PITPNM3: variants seen among roughly 807,000 people sequenced by gnomAD.
PITPNM3 encodes PITPNM family member 3, also known as membrane-associated phosphatidylinositol transfer protein 3.
In PITPNM3, 26 loss-of-function variants were observed where a neutral mutation model predicts 102.0. The observed-to-expected ratio is 0.25, with a 90% CI of 0.19 to 0.35. The LOEUF is 0.35. Among genes scored for constraint, PITPNM3 ranks in the 10% least tolerant of loss-of-function variants. The probability of loss-of-function intolerance (pLI) is 1.00; values close to 1 mark genes in which losing one functional copy is unlikely to be tolerated. For missense variants in PITPNM3, 1,083 were observed against 1,346.1 expected (o/e 0.80, Z 3.06); for synonymous variants, 578 against 558.6 (o/e 1.03, Z -0.49).
At chr17:6,534,079 G>T (rs1161971029) in intron 2 of PITPNM3, among the ~76,000 whole-genome samples, 1 of 152,218 alleles carries the variant, frequency 6.6e-6, no homozygotes, top group Admixed American at 6.5e-5. Flanking sequence ...GCTTGTTCTG[G>T]GTTGGAGGCC....
rs1490285741 is a variant in PITPNM3, at chr17:6,472,918, C to T, written c.1259-91G>A. ...TCCCTGGAATGCAGCCTGGAGTAGCCTACTCCCCTCTCAAGAGCCTCCCCG... is the reference window on the plus strand; with the variant it reads ...TCCCTGGAATGCAGCCTGGAGTAGCTTACTCCCCTCTCAAGAGCCTCCCCG... On this transcript the variant is annotated intron_variant, in intron 10 of 19. Coordinates refer to ENST00000262483, the MANE Select transcript of PITPNM3 (RefSeq NM_031220.4). The surrounding 1 kb of genome is among the most constrained non-coding windows in gnomAD (Gnocchi z 4.1). 1 of 1,468,124 alleles carries T rather than the reference C, an allele frequency of 6.8e-7. No homozygotes were observed. The highest frequency in any genetic ancestry group is 9.4e-7 in the Non-Finnish European group (1 of 1,068,290). 90.9% of individuals were successfully genotyped at this position (1,468,124 alleles called of 1,614,324 possible).
At chr17:6,503,108 T>C (rs1431295050) in intron 4 of PITPNM3, among the ~76,000 whole-genome samples, 11 of 152,320 alleles carry the variant, frequency 7.2e-5, no homozygotes, top group Non-Finnish European at 1.2e-4. Context: ...GCACCGTCAG[T>C]GGTTCCTGGA....
intron 3 of PITPNM3, among the ~76,000 whole-genome samples, chr17:6,511,830 A>T (rs557157212): frequency 1.0e-3 from 156 of 152,298 alleles, no homozygotes; most frequent in African/African-American, 3.2e-3. Context: ...AAAAATATTT[A>T]AAAAATTAGC....
chr17:6,463,803 C>A lies in PITPNM3; in HGVS notation c.2235G>T (p.Gly745=). 1 of 1,613,626 alleles carries A rather than the reference C, an allele frequency of 6.2e-7. No homozygotes were observed. The highest frequency in any genetic ancestry group is 1.1e-5 in the South Asian group (1 of 91,018). The part of the protein sequence containing the change: ...GMECVVFSID[G]SFAASVSIMG... ...TGATAGACACGCTGGCCGCGAAGGACCCATCAATGCTGAACACTACACACT... is the reference window on the plus strand; with the variant it reads ...TGATAGACACGCTGGCCGCGAAGGAACCATCAATGCTGAACACTACACACT... Residue 745 remains glycine (G), a synonymous_variant, in exon 17 of 20, where the codon GGG becomes GGT. Transcript: ENST00000262483.
At chr17:6,522,022 A>C (rs1908556209) in intron 3 of PITPNM3, among the ~76,000 whole-genome samples, 1 of 152,210 alleles carries the variant, frequency 6.6e-6, no homozygotes, top group African/African-American at 2.4e-5. Flanking sequence ...TAAAACCCTA[A>C]GCCTGTGCCA....
At chr17:6,530,370 G>A (rs571873298) in intron 2 of PITPNM3, among the ~76,000 whole-genome samples, 19 of 152,332 alleles carry the variant, frequency 1.2e-4, no homozygotes, top group African/African-American at 3.8e-4. Context: ...TGATTTAGCC[G>A]TGCACTACCT....
At chr17:6,516,335 G>A (rs376062701) in intron 3 of PITPNM3, among the ~76,000 whole-genome samples, 1 of 152,096 alleles carries the variant, frequency 6.6e-6, no homozygotes, top group South Asian at 2.1e-4. Flanking sequence ...AGGCCATGGC[G>A]GGCGGATCAT....
chr17:6,554,300 C>G (rs1209103874), intron 1 of PITPNM3, among the ~76,000 whole-genome samples: 1 of 122,364 alleles, frequency 8.2e-6, no homozygotes, highest in Non-Finnish European at 1.6e-5. Context: ...GCCTGGGAGA[C>G]AGACCGAGAC....
At chr17:6,507,170 G>A (rs1907577545) in intron 3 of PITPNM3, among the ~76,000 whole-genome samples, 1 of 152,220 alleles carries the variant, frequency 6.6e-6, no homozygotes, top group African/African-American at 2.4e-5. Context: ...AAGCCAGAGG[G>A]CAGGAGAGCA....
At chr17:6,500,825 A>C (rs957770100) in intron 4 of PITPNM3, among the ~76,000 whole-genome samples, 2 of 152,048 alleles carry the variant, frequency 1.3e-5, no homozygotes, top group African/African-American at 4.8e-5. Context: ...TCAAGCATGC[A>C]CCATCACACC....
At chr17:6,504,225 T>G (rs1907354248) in intron 3 of PITPNM3, among the ~76,000 whole-genome samples, 1 of 152,078 alleles carries the variant, frequency 6.6e-6, no homozygotes, top group Non-Finnish European at 1.5e-5. Flanking sequence ...CTACCTCATT[T>G]CTTCCCCTAC....
At chr17:6,508,818 G>A (rs1907699972) in intron 3 of PITPNM3, among the ~76,000 whole-genome samples, 1 of 152,124 alleles carries the variant, frequency 6.6e-6, no homozygotes, top group Non-Finnish European at 1.5e-5. Context: ...AGGAAGCCGG[G>A]CTTGCCTGCC....
At position 6,478,160 on chromosome 17, in the gene PITPNM3, G is replaced by C; in HGVS notation, c.778-63C>G. 1.2e-6 allele frequency: 2 copies of C among 1,605,652 alleles called. No individual in the cohort carries two copies. The highest frequency in any genetic ancestry group is 1.7e-6 in the Non-Finnish European group (2 of 1,179,048). ...TGCTGACCCCTCACCCCCACACCCGGCCAGAGCAGTGCTGCCTCCCCACAG... is the reference window on the plus strand; with the variant it reads ...TGCTGACCCCTCACCCCCACACCCGCCCAGAGCAGTGCTGCCTCCCCACAG... On this transcript the variant is annotated intron_variant, in intron 7 of 19. Transcript: ENST00000262483. The surrounding 1 kb of genome is among the most constrained non-coding windows in gnomAD (Gnocchi z 4.4).
At chr17:6,544,994 G>T (rs904217303) in intron 1 of PITPNM3, among the ~76,000 whole-genome samples, 1 of 152,238 alleles carries the variant, frequency 6.6e-6, no homozygotes, top group Middle Eastern at 3.4e-3. Context: ...CGAGGCTCCT[G>T]CGGACAGGCA....
At chr17:6,538,116 G>A (rs1418684231) in intron 1 of PITPNM3, 34 bp from the exon 2 acceptor site, 1 of 1,515,740 alleles carries the variant, frequency 6.6e-7, no homozygotes, top group East Asian at 2.3e-5. Context: ...AACCAAGCCT[G>A]AGATGTTGTC....
chr17:6,476,678 G>A (rs879356491), intron 9 of PITPNM3, among the ~76,000 whole-genome samples: 1 of 152,208 alleles, frequency 6.6e-6, no homozygotes, highest in Admixed American at 6.5e-5. Context: ...ACAAAACACA[G>A]TCACAGCAAT....
At chr17:6,464,596 TCCATGAGGCA>T (rs1904665607) in intron 15 of PITPNM3, 49 bp downstream of exon 15, 1 of 1,511,978 alleles carries the variant, frequency 6.6e-7, no homozygotes, top group Admixed American at 1.7e-5. Flanking sequence ...GCTATGTGGC[TCCATGAGGCA>T]CCTGGTGCAG....
chr17:6,457,699 G>A lies in PITPNM3; in HGVS notation c.2514C>T (p.Ala838=). Residue 838 remains alanine, a synonymous_variant, in exon 19 of 20, where the codon GCC becomes GCT. Coordinates refer to ENST00000262483, the MANE Select transcript of PITPNM3 (RefSeq NM_031220.4). This position sits in a 1 kb window ranked among gnomAD's most constrained non-coding sequence, Gnocchi z 4.7. ...CAGAGATGTCCTTCGTGGAGCCATA[G>A]GCCGCACTGATTTTGATGAAGCACT... is the stretch of plus-strand genomic sequence containing the variant. ...MQECFIKISA[A]YGSTKDISVY... The A allele has an allele frequency of 1.9e-6, 3 of 1,595,656 alleles. No homozygotes were observed. Among genetic ancestry groups the A allele is most frequent in the Non-Finnish European group, 2.6e-6 (3 of 1,170,824 alleles).
At chr17:6,464,067 G>C (rs1904637353) in intron 16 of PITPNM3, 103 bp downstream of exon 16, 43 of 1,581,258 alleles carry the variant, frequency 2.7e-5, no homozygotes, top group Non-Finnish European at 3.7e-5. Flanking sequence ...GACAGAGATG[G>C]GGGCCCACAA....
Sources: allele counts gnomAD v4.1 joint callset (sites outside exome capture counted in the v4.1 genomes callset), GRCh38; gene constraint gnomAD v4.1.1; non-coding constraint Gnocchi (gnomAD v3.1); transcripts MANE v1.5; gene names NCBI Gene and HGNC (gene_info 2026-07-23, HGNC 2026-07-21).